Variants in CHST9 observed in about 807,000 individuals in gnomAD.
CHST9 encodes the protein GalNAc-4-sulfotransferase 2.
Under a neutral mutation model 44.4 loss-of-function variants are expected in CHST9, and 41 were observed. That is an observed-to-expected ratio of 0.92 (90% CI 0.72 to 1.20). The LOEUF is 1.20. Ranked by LOEUF, CHST9 falls within the 50% of genes most tolerant of loss-of-function variation. The probability of loss-of-function intolerance (pLI) is 0.00; values close to 1 mark genes in which losing one functional copy is unlikely to be tolerated. For synonymous variants in CHST9, 171 were observed against 178.4 expected, an observed-to-expected ratio of 0.96 and a Z score of 0.33; for missense variants, 504 against 516.5, an observed-to-expected ratio of 0.98 and a Z score of 0.23.
chr18:27,053,009 A>T (rs559545401), intron 2 of CHST9, among the ~76,000 whole-genome samples: 1 of 151,772 alleles, frequency 6.6e-6, no homozygotes, highest in African/African-American at 2.4e-5. Flanking sequence ...TGATAGGTGC[A>T]GCAAACCATC....
intron 2 of CHST9, among the ~76,000 whole-genome samples, chr18:27,110,702 C>CTCA (rs1360398036): frequency 2.6e-5 from 4 of 152,204 alleles, no homozygotes; most frequent in African/African-American, 9.7e-5. Flanking sequence ...CAGACATCCC[C>CTCA]TCATGCTTCA....
At chr18:27,136,240 G>A (rs994827158) in intron 2 of CHST9, among the ~76,000 whole-genome samples, 1 of 152,208 alleles carries the variant, frequency 6.6e-6, no homozygotes, top group Non-Finnish European at 1.5e-5. Context: ...CCAGAGCAAT[G>A]GAGAAGGCTT....
intron 4 of CHST9, among the ~76,000 whole-genome samples, chr18:26,997,086 G>A (rs10502481): frequency 0.23 from 34,631 of 152,110 alleles, 4,740 homozygotes; most frequent in Non-Finnish European, 0.32. Context: ...AGCTACGTAG[G>A]TATGTTGTTT....
At chr18:27,031,805 C>T (rs990473538) in intron 3 of CHST9, among the ~76,000 whole-genome samples, 1 of 152,166 alleles carries the variant, frequency 6.6e-6, no homozygotes, top group African/African-American at 2.4e-5. Flanking sequence ...ATAGATTCTT[C>T]AAGATCTAAG....
intron 4 of CHST9, among the ~76,000 whole-genome samples, chr18:26,988,123 G>T (rs976139895): frequency 2.0e-5 from 3 of 151,886 alleles, no homozygotes; most frequent in Admixed American, 1.3e-4. Context: ...TAATCCAAAA[G>T]ATGGCTGACA....
chr18:27,006,246 A>C (rs1170390417), intron 4 of CHST9, among the ~76,000 whole-genome samples: 1 of 152,094 alleles, frequency 6.6e-6, no homozygotes, highest in African/African-American at 2.4e-5. Flanking sequence ...AATTTTATTT[A>C]TTTATTTATT....
intron 4 of CHST9, among the ~76,000 whole-genome samples, chr18:26,980,493 A>G (rs144553877): frequency 0.016 from 2,408 of 152,270 alleles, 72 homozygotes; most frequent in African/African-American, 0.055. Flanking sequence ...GACAGAATTA[A>G]TGTTCAGTAC....
At chr18:27,118,504 T>C (rs1009652462) in intron 2 of CHST9, among the ~76,000 whole-genome samples, 6 of 152,248 alleles carry the variant, frequency 3.9e-5, no homozygotes, top group African/African-American at 1.2e-4. Context: ...GAGTTCAACA[T>C]CAGGGATTTA....
At chr18:27,123,292 C>T (rs80293462) in intron 2 of CHST9, among the ~76,000 whole-genome samples, 1,609 of 152,218 alleles carry the variant, frequency 0.011, 24 homozygotes, top group African/African-American at 0.034. Flanking sequence ...CATACTCTGA[C>T]AGTTATGTTT....
chr18:27,023,703 T>G (rs1033891841), intron 4 of CHST9, among the ~76,000 whole-genome samples: 1 of 152,250 alleles, frequency 6.6e-6, no homozygotes, highest in African/African-American at 2.4e-5. Context: ...ATTAGCAGTA[T>G]CTGAATTAAT....
At chr18:27,019,027 A>C (rs2057188141) in intron 4 of CHST9, among the ~76,000 whole-genome samples, 1 of 152,200 alleles carries the variant, frequency 6.6e-6, no homozygotes, top group African/African-American at 2.4e-5. Flanking sequence ...AAATACCCTG[A>C]GCCACGCCCT....
chr18:26,967,585 C>T (rs950414875), intron 4 of CHST9, among the ~76,000 whole-genome samples: 16 of 152,126 alleles, frequency 1.1e-4, no homozygotes, highest in African/African-American at 3.9e-4. Context: ...GTCAATGAAA[C>T]TTCTTGTAAT....
chr18:26,974,327 TTCTC>T (rs1214227062), intron 4 of CHST9, among the ~76,000 whole-genome samples: 1 of 152,192 alleles, frequency 6.6e-6, no homozygotes, highest in Admixed American at 6.5e-5. Flanking sequence ...ATGCAACACT[TTCTC>T]TAGTCACTAT....
chr18:27,118,849 AC>A (rs2058350829), intron 2 of CHST9, among the ~76,000 whole-genome samples: 2 of 152,204 alleles, frequency 1.3e-5, no homozygotes, highest in Admixed American at 1.3e-4. Context: ...CTTTTCCATC[AC>A]CCACCGTATG....
intron 4 of CHST9, among the ~76,000 whole-genome samples, chr18:26,983,979 C>T (rs1023873931): frequency 2.0e-5 from 3 of 152,138 alleles, no homozygotes; most frequent in Non-Finnish European, 2.9e-5. Context: ...CTCTTCACTC[C>T]CACATTCCCA....
chr18:27,088,126 G>A (rs941882273), intron 2 of CHST9, among the ~76,000 whole-genome samples: 1 of 152,192 alleles, frequency 6.6e-6, no homozygotes, highest in East Asian at 1.9e-4. Context: ...TAATATCCAG[G>A]ATTTTGCAGA....
At chr18:27,101,962 C>T (rs2058176654) in intron 2 of CHST9, among the ~76,000 whole-genome samples, 1 of 152,180 alleles carries the variant, frequency 6.6e-6, no homozygotes, top group South Asian at 2.1e-4. Context: ...CACAGGAAAT[C>T]ACAGGTGGCT....
At chr18:26,952,852 A>G (rs1367528428) in intron 4 of CHST9, among the ~76,000 whole-genome samples, 1 of 152,178 alleles carries the variant, frequency 6.6e-6, no homozygotes, top group African/African-American at 2.4e-5. Context: ...ATAAGTGAAG[A>G]TAAACTGCAG....
intron 4 of CHST9, among the ~76,000 whole-genome samples, chr18:27,021,986 G>A (rs147552616): frequency 1.3e-5 from 2 of 151,980 alleles, no homozygotes; most frequent in African/African-American, 4.8e-5. Flanking sequence ...TGCCCAGCTT[G>A]TCCCTGTTTT....
Sources: allele counts gnomAD v4.1 joint callset (sites outside exome capture counted in the v4.1 genomes callset), GRCh38; gene constraint gnomAD v4.1.1; transcripts MANE v1.5; gene names NCBI Gene and HGNC (gene_info 2026-07-23, HGNC 2026-07-21).